The following EPB41L4A variants were observed in gnomAD, a reference collection of about 807,000 sequenced individuals.
The protein encoded by EPB41L4A is band 4.1-like protein 4A.
Under a neutral mutation model 108.6 loss-of-function variants are expected in EPB41L4A, and 100 were observed. That is an observed-to-expected ratio of 0.92 (90% confidence interval 0.78 to 1.09). The LOEUF is 1.09. Among genes scored for constraint, EPB41L4A ranks in the 50% least tolerant of loss-of-function variants. EPB41L4A has a pLI of 0.00. For missense variants in EPB41L4A, 1,030 were observed against 842.7 expected (o/e 1.22, Z -2.75); for synonymous variants, 319 against 289.0 (o/e 1.10, Z -1.05).
chr5:112,184,879 A>T (rs1761345979), intron 17 of EPB41L4A, among the ~76,000 whole-genome samples: 1 of 152,226 alleles, frequency 6.6e-6, no homozygotes. Context: ...CTGGATTCTT[A>T]AAGTGAACTC....
chr5:112,364,458 T>C (rs370640), intron 1 of EPB41L4A, among the ~76,000 whole-genome samples: 99,818 of 152,092 alleles, frequency 0.66, 33,071 homozygotes, highest in South Asian at 0.82. Flanking sequence ...TCGCCAGTAA[T>C]ACTGGTATTA....
At chr5:112,358,741 A>G (rs1432233817) in intron 1 of EPB41L4A, among the ~76,000 whole-genome samples, 1 of 152,256 alleles carries the variant, frequency 6.6e-6, no homozygotes, top group Non-Finnish European at 1.5e-5. Context: ...ATATCCAGCA[A>G]AAGATATATA....
chr5:112,174,957 C>A (rs1182957598), intron 18 of EPB41L4A, among the ~76,000 whole-genome samples: 3 of 152,118 alleles, frequency 2.0e-5, no homozygotes, highest in African/African-American at 7.2e-5. Context: ...TCTCCCTCCC[C>A]CTCCAAATCA....
At chr5:112,219,898 G>T (rs1747926029) in intron 12 of EPB41L4A, among the ~76,000 whole-genome samples, 1 of 152,118 alleles carries the variant, frequency 6.6e-6, no homozygotes, top group Admixed American at 6.6e-5. Flanking sequence ...GTTTCACCAT[G>T]TTGGCCAGGC....
At chr5:112,364,594 C>T (rs1191239490) in intron 1 of EPB41L4A, among the ~76,000 whole-genome samples, 1 of 152,152 alleles carries the variant, frequency 6.6e-6, no homozygotes, top group Non-Finnish European at 1.5e-5. Flanking sequence ...ATGAGTGTTT[C>T]ACTCAAAAGA....
intron 1 of EPB41L4A, among the ~76,000 whole-genome samples, chr5:112,393,294 A>G (rs1252454019): frequency 6.6e-6 from 1 of 152,208 alleles, no homozygotes; most frequent in East Asian, 1.9e-4. Flanking sequence ...AAATTAATGA[A>G]TCCAGGAGCT....
intron 15 of EPB41L4A, among the ~76,000 whole-genome samples, chr5:112,197,605 C>G (rs951219571): frequency 1.3e-5 from 2 of 152,168 alleles, no homozygotes; most frequent in African/African-American, 4.8e-5. Context: ...TTTTGCTTAT[C>G]ACTAATTCTT....
intron 1 of EPB41L4A, among the ~76,000 whole-genome samples, chr5:112,347,933 CA>C (rs1361902717): frequency 6.6e-6 from 1 of 152,214 alleles, no homozygotes; most frequent in African/African-American, 2.4e-5. Context: ...ACCCAATCCT[CA>C]CATCCTTCCT....
At chr5:112,254,080 C>G (rs926318269) in intron 9 of EPB41L4A, among the ~76,000 whole-genome samples, 1 of 152,152 alleles carries the variant, frequency 6.6e-6, no homozygotes, top group African/African-American at 2.4e-5. Context: ...CACGGGGTAA[C>G]TTTAGCTGAG....
intron 9 of EPB41L4A, chr5:112,250,862 G>A (rs1374129162): frequency 9.2e-5 from 14 of 152,192 alleles, no homozygotes; most frequent in Non-Finnish European, 1.9e-4. Context: ...CACAGACTGT[G>A]TGCCCGTTAC....
chr5:112,194,489 AC>A, intron 17 of EPB41L4A, 78 bp downstream of exon 17: 1 of 795,682 alleles, frequency 1.3e-6, no homozygotes, highest in South Asian at 2.0e-5. Context: ...AAACAGACTT[AC>A]AAAGGACACT....
chr5:112,170,841 G>T, intron 19 of EPB41L4A, 104 bp downstream of exon 19: 1 of 971,700 alleles, frequency 1.0e-6, no homozygotes, highest in Non-Finnish European at 1.6e-6. Context: ...AATGGCTTTG[G>T]CAGGCATCAC....
intron 1 of EPB41L4A, among the ~76,000 whole-genome samples, chr5:112,356,281 T>C (rs1580747611): frequency 6.6e-6 from 1 of 152,118 alleles, no homozygotes; most frequent in East Asian, 1.9e-4. Context: ...AAATACTGCA[T>C]CCATGGGAGA....
At chr5:112,232,131 AGAGAGAG>A (rs1749003047) in intron 12 of EPB41L4A, among the ~76,000 whole-genome samples, 1 of 141,778 alleles carries the variant, frequency 7.1e-6, no homozygotes, top group African/African-American at 2.6e-5. Context: ...AAAAAAAAAG[AGAGAGAG>A]AGAGAGAGAG....
chr5:112,218,484 G>A (rs1747812119), intron 12 of EPB41L4A, among the ~76,000 whole-genome samples: 7 of 152,104 alleles, frequency 4.6e-5, no homozygotes, highest in Admixed American at 4.6e-4. Context: ...GGGCTACACA[G>A]CCGACTGACA....
intron 2 of EPB41L4A, among the ~76,000 whole-genome samples, chr5:112,300,494 T>C (rs1319238653): frequency 3.3e-5 from 5 of 152,212 alleles, no homozygotes; most frequent in Non-Finnish European, 7.3e-5. Flanking sequence ...TTCTACCTTG[T>C]AGGGTTTCTG....
chr5:112,166,428 A>T (rs1033073276), intron 22 of EPB41L4A, among the ~76,000 whole-genome samples: 3 of 152,118 alleles, frequency 2.0e-5, no homozygotes, highest in Non-Finnish European at 2.9e-5. Context: ...AGCTCACTGC[A>T]TGTTGGTCTT....
chr5:112,389,402 A>AG (rs1430090221), intron 1 of EPB41L4A, among the ~76,000 whole-genome samples: 1 of 152,230 alleles, frequency 6.6e-6, no homozygotes, highest in East Asian at 1.9e-4. Flanking sequence ...CTAAAGTTCC[A>AG]GGTCACCAAA....
intron 1 of EPB41L4A, among the ~76,000 whole-genome samples, chr5:112,390,140 C>T (rs1374523356): frequency 2.0e-5 from 3 of 152,310 alleles, no homozygotes; most frequent in African/African-American, 4.8e-5. Flanking sequence ...ACACAGAAGA[C>T]GGGTGACTTC....
Sources: gnomAD v4.1 joint callset for allele counts (sites outside exome capture counted in the v4.1 genomes callset) on GRCh38, gnomAD v4.1.1 for gene constraint, MANE v1.5 for transcripts, NCBI Gene and HGNC (gene_info 2026-07-23, HGNC 2026-07-21) for gene names.